Variants in GXYLT1 observed in about 807,000 individuals in gnomAD.
GXYLT1 encodes glucoside xylosyltransferase 1, also known as glycosyltransferase 8 domain containing 3.
In GXYLT1, 29 loss-of-function variants were observed where a neutral mutation model predicts 54.0. The observed-to-expected ratio is 0.54, with a 90% CI of 0.40 to 0.73. The LOEUF (loss-of-function observed/expected upper bound fraction) is 0.73. Ranked by LOEUF, GXYLT1 falls within the 30% of genes least tolerant of loss-of-function variation. The probability of loss-of-function intolerance (pLI) is 0.00; values close to 1 mark genes in which losing one functional copy is unlikely to be tolerated. For synonymous variants in GXYLT1, 176 were observed against 204.1 expected, an observed-to-expected ratio of 0.86 and a Z score of 1.17; for missense variants, 490 against 553.4, an observed-to-expected ratio of 0.89 and a Z score of 1.15.
chr12:42,096,891 C>G (rs1404915167), intron 7 of GXYLT1, among the ~76,000 whole-genome samples: 1 of 152,094 alleles, frequency 6.6e-6, no homozygotes. Flanking sequence ...GCACACATCA[C>G]CACCTATACA....
intron 1 of GXYLT1, among the ~76,000 whole-genome samples, chr12:42,136,666 G>GTATT (rs2065620925): frequency 6.6e-6 from 1 of 152,048 alleles, no homozygotes; most frequent in Non-Finnish European, 1.5e-5. Flanking sequence ...GTGGTTACAT[G>GTATT]TATTTACATG....
rs529399567 is a variant in GXYLT1, at chr12:42,116,608, C to T, written c.486+2392G>A. Among the ~76,000 whole-genome samples the T allele has an allele frequency of 4.7e-3, 710 of 152,236 alleles. 2 individuals are homozygous for T. The highest frequency in any genetic ancestry group is 0.017 in the African/African-American group (690 of 41,540). On this transcript the variant is annotated intron_variant, in intron 3 of 7. Coordinates refer to ENST00000398675, the MANE Select transcript of GXYLT1 (RefSeq NM_173601.2). ...ATCTCACACCAGTTAGAATGGCAATCATTAAAAAGTCAGGAAACAGCAGGT... is the reference window on the plus strand; with the variant it reads ...ATCTCACACCAGTTAGAATGGCAATTATTAAAAAGTCAGGAAACAGCAGGT...
chr12:42,107,838 G>C (rs78250896), intron 4 of GXYLT1, among the ~76,000 whole-genome samples: 2,080 of 152,262 alleles, frequency 0.014, 26 homozygotes, highest in Non-Finnish European at 0.022. Flanking sequence ...TCTTAGCAGA[G>C]TAGGAAGAAG....
At chr12:42,128,415 T>TCGAGAGGCTGAGACAGG (rs2065575463) in intron 2 of GXYLT1, among the ~76,000 whole-genome samples, 1 of 152,198 alleles carries the variant, frequency 6.6e-6, no homozygotes, top group African/African-American at 2.4e-5. Flanking sequence ...TAAAAGTTTT[T>TCGAGAGGCTGAGACAGG]AAAAATGAAG....
chr12:42,137,503 CAAAAAAA>C (rs34628599), intron 1 of GXYLT1, among the ~76,000 whole-genome samples: 42 of 71,658 alleles, frequency 5.9e-4, no homozygotes, highest in East Asian at 8.3e-4. Context: ...GCATCTGTTT[CAAAAAAA>C]AAAAAAAAAA....
chr12:42,106,106 C>A, intron 4 of GXYLT1, 37 bp from the exon 5 acceptor site: 2 of 1,445,016 alleles, frequency 1.4e-6, no homozygotes, highest in South Asian at 1.3e-5. Context: ...AACTATAATT[C>A]TATTTTAAAA....
intron 5 of GXYLT1, among the ~76,000 whole-genome samples, chr12:42,102,675 T>G (rs915264845): frequency 6.6e-6 from 1 of 152,156 alleles, no homozygotes; most frequent in Non-Finnish European, 1.5e-5. Context: ...ATGTCTAATT[T>G]ATACTCTTTG....
intron 7 of GXYLT1, among the ~76,000 whole-genome samples, chr12:42,089,068 C>T (rs1333840061): frequency 6.6e-6 from 1 of 151,680 alleles, no homozygotes; most frequent in Non-Finnish European, 1.5e-5. Context: ...AAAACCATCA[C>T]CCTTGGAGTG....
chr12:42,138,929 T>C (rs1017544316), intron 1 of GXYLT1, among the ~76,000 whole-genome samples: 1 of 152,040 alleles, frequency 6.6e-6, no homozygotes, highest in Non-Finnish European at 1.5e-5. Context: ...TCCCAGCTAC[T>C]TGTGAGGCTG....
Position 42,084,121 on chromosome 12 carries a change from GA to G in GXYLT1, c.*3664del, listed in dbSNP as rs1565561084. ...GAAGTCAGCACCTTTCCTGACCCCA[GA>G]GAGCCCAGGCAAGCAAACTGATGTA... On this transcript the variant is annotated 3_prime_UTR_variant, in exon 8 of 8. Transcript: ENST00000398675. 7.5e-5 allele frequency: 6 copies of G among 79,820 alleles called. No homozygotes were observed. In the East Asian group the frequency reaches 1.7e-3, roughly 23 times the overall value. The allele number at this position is 79,820 out of a possible 1,614,324, so 4.9% of individuals were successfully genotyped here. A position where few individuals can be genotyped will look rare whatever the true frequency, so the allele number is the denominator to read the frequency against.
At chr12:42,129,920 T>A in intron 1 of GXYLT1, 69 bp from the exon 2 acceptor site, 1 of 891,746 alleles carries the variant, frequency 1.1e-6, no homozygotes, top group Non-Finnish European at 1.8e-6. Flanking sequence ...AGGAATTTAC[T>A]CAGTAACACG....
chr12:42,144,847 C>A lies in GXYLT1; in HGVS notation c.-201G>T, dbSNP rs1038913725. On this transcript the variant is annotated 5_prime_UTR_variant, in exon 1 of 8. Transcript: ENST00000398675. ...TCGCGGCTCCGGAGCCGAAGGACTA[C>A]CCGCCCGGAAGCCTGGACACCGCCT... The A allele has an allele frequency of 1.7e-5, 6 of 355,270 alleles. No individual in the cohort carries two copies. Among genetic ancestry groups the A allele is most frequent in the Non-Finnish European group, 2.5e-5 (5 of 197,496 alleles). The allele number at this position is 355,270 out of a possible 1,614,324, so 22.0% of individuals were successfully genotyped here. A position where few individuals can be genotyped will look rare whatever the true frequency, so the allele number is the denominator to read the frequency against.
At chr12:42,113,066 C>A (rs1412180771) in intron 3 of GXYLT1, among the ~76,000 whole-genome samples, 1 of 151,120 alleles carries the variant, frequency 6.6e-6, no homozygotes, top group Non-Finnish European at 1.5e-5. Context: ...AAATACTTTA[C>A]AGACAAGCAA....
In GXYLT1 at chr12:42,109,522, TTAA is replaced by T. The variant is rs1565571329; in HGVS notation, c.612+41_612+43del. Reference sequence around the variant, plus strand: ...TCATGTGTAAAAGTAAGGTTCAAATTTAAAAAAAAAAAAAAAAAAAAGACACTA... The same window carrying T: ...TCATGTGTAAAAGTAAGGTTCAAATTAAAAAAAAAAAAAAAAAAGACACTA... On this transcript the variant is annotated intron_variant, in intron 4 of 7. Coordinates refer to ENST00000398675, the MANE Select transcript of GXYLT1 (RefSeq NM_173601.2). The T allele has an allele frequency of 3.6e-5, 47 of 1,301,286 alleles. No homozygotes were observed. The East Asian group carries it at 6.5e-4, about 18-fold the overall frequency. The allele number at this position is 1,301,286 out of a possible 1,614,324, so 80.6% of individuals were successfully genotyped here. A position where few individuals can be genotyped will look rare whatever the true frequency, so the allele number is the denominator to read the frequency against.
intron 5 of GXYLT1, among the ~76,000 whole-genome samples, chr12:42,099,562 T>C (rs1312909665): frequency 6.6e-6 from 1 of 152,160 alleles, no homozygotes; most frequent in African/African-American, 2.4e-5. Flanking sequence ...TATTACTTAA[T>C]AGTTATGATG....
intron 5 of GXYLT1, among the ~76,000 whole-genome samples, chr12:42,104,091 C>T (rs1487335611): frequency 2.6e-5 from 4 of 151,796 alleles, no homozygotes; most frequent in East Asian, 1.9e-4. Context: ...CTGTTCTCTA[C>T]AAAAAAGTAA....
chr12:42,092,951 C>A (rs550016542), intron 7 of GXYLT1, among the ~76,000 whole-genome samples: 1 of 152,162 alleles, frequency 6.6e-6, no homozygotes, highest in Admixed American at 6.5e-5. Context: ...GGGCTGCATG[C>A]GGCCCACTGG....
intron 2 of GXYLT1, among the ~76,000 whole-genome samples, chr12:42,120,621 C>T (rs1180409153): frequency 6.6e-6 from 1 of 152,160 alleles, no homozygotes; most frequent in South Asian, 2.1e-4. Context: ...GCCTCAACCT[C>T]CCAGGCTCAA....
In GXYLT1 at chr12:42,087,645, T is replaced by A; in HGVS notation, c.*141A>T. 1.7e-6 allele frequency: 1 copy of A among 586,926 alleles called. No individual in the cohort carries two copies. The highest frequency in any genetic ancestry group is 2.9e-6 in the Non-Finnish European group (1 of 343,280). 36.4% of individuals were successfully genotyped at this position (586,926 alleles called of 1,614,324 possible). A position where few individuals can be genotyped will look rare whatever the true frequency, so the allele number is the denominator to read the frequency against. Reference sequence around the variant, plus strand: ...CTTATTCTTCATTACCTGAAAATACTGCTTACTTAACTTCTTTAGGAAAAA... The same window carrying A: ...CTTATTCTTCATTACCTGAAAATACAGCTTACTTAACTTCTTTAGGAAAAA... On this transcript the variant is annotated 3_prime_UTR_variant, in exon 8 of 8. Coordinates refer to ENST00000398675, the MANE Select transcript of GXYLT1 (RefSeq NM_173601.2).
Sources: gnomAD v4.1 joint callset for allele counts (sites outside exome capture counted in the v4.1 genomes callset) on GRCh38, gnomAD v4.1.1 for gene constraint, MANE v1.5 for transcripts, NCBI Gene and HGNC (gene_info 2026-07-23, HGNC 2026-07-21) for gene names.